Variants in KCNIP1 observed in about 807,000 individuals in gnomAD.
The protein encoded by KCNIP1 is potassium voltage-gated channel interacting protein 1, also known as A-type potassium channel modulatory protein KCNIP1.
A neutral mutation model predicts 33.0 loss-of-function variants in KCNIP1; 18 were observed. The ratio of observed to expected loss-of-function variants is 0.55; its 90% CI spans 0.38 to 0.81. The LOEUF is 0.81. Ranked by LOEUF, KCNIP1 falls within the 30% of genes least tolerant of loss-of-function variation. The pLI, the probability that KCNIP1 is intolerant of heterozygous loss-of-function variation, is 0.00. For synonymous variants in KCNIP1, 93 were observed against 98.3 expected, an observed-to-expected ratio of 0.95 and a Z score of 0.32; for missense variants, 238 against 271.6, an observed-to-expected ratio of 0.88 and a Z score of 0.87.
At chr5:170,474,045 T>C (rs983013659) in intron 1 of KCNIP1, among the ~76,000 whole-genome samples, 19 of 152,184 alleles carry the variant, frequency 1.2e-4, no homozygotes, top group African/African-American at 4.6e-4. Context: ...ACTTTGGCAT[T>C]TTTCAAGCTA....
intron 1 of KCNIP1, chr5:170,420,648 A>T (rs1755462125): frequency 6.6e-6 from 1 of 152,196 alleles, no homozygotes; most frequent in African/African-American, 2.4e-5. Context: ...GGCTATTAGG[A>T]GTTAAGTTTC....
chr5:170,459,269 G>C (rs1756455582), intron 1 of KCNIP1, among the ~76,000 whole-genome samples: 1 of 152,106 alleles, frequency 6.6e-6, no homozygotes, highest in Non-Finnish European at 1.5e-5. Flanking sequence ...TCCACTGACA[G>C]CACTAGACAG....
chr5:170,556,034 A>G (rs1342280016), intron 1 of KCNIP1, among the ~76,000 whole-genome samples: 1 of 152,214 alleles, frequency 6.6e-6, no homozygotes, highest in East Asian at 1.9e-4. Context: ...GCCCACTGCA[A>G]CAATGACAAT....
intron 1 of KCNIP1, among the ~76,000 whole-genome samples, chr5:170,369,456 G>A (rs567850836): frequency 1.3e-5 from 2 of 152,346 alleles, no homozygotes; most frequent in East Asian, 1.9e-4. Context: ...ACTAAGTAAA[G>A]TGCTACAGCT....
intron 1 of KCNIP1, among the ~76,000 whole-genome samples, chr5:170,681,951 G>T (rs974020825): frequency 6.6e-6 from 1 of 152,138 alleles, no homozygotes; most frequent in Non-Finnish European, 1.5e-5. Flanking sequence ...GAGCAATTGG[G>T]CTCATAAAAC....
chr5:170,646,298 CTACAGACTAA>C (rs1283946591), intron 1 of KCNIP1, among the ~76,000 whole-genome samples: 1 of 152,148 alleles, frequency 6.6e-6, no homozygotes, highest in African/African-American at 2.4e-5. Context: ...GAAAAGAAAA[CTACAGACTAA>C]TATCTCTCAT....
At chr5:170,709,110 T>G (rs1398303049) in intron 1 of KCNIP1, among the ~76,000 whole-genome samples, 1 of 152,148 alleles carries the variant, frequency 6.6e-6, no homozygotes, top group African/African-American at 2.4e-5. Context: ...TTGAAAAAAT[T>G]TATAGTATTT....
intron 1 of KCNIP1, among the ~76,000 whole-genome samples, chr5:170,367,759 C>G (rs1017550393): frequency 2.0e-5 from 3 of 152,218 alleles, no homozygotes; most frequent in African/African-American, 7.2e-5. Flanking sequence ...GCTGCAGCAG[C>G]CTGCAGACTG....
chr5:170,376,343 T>C (rs967177317), intron 1 of KCNIP1: 1 of 151,282 alleles, frequency 6.6e-6, no homozygotes, highest in Non-Finnish European at 1.5e-5. Context: ...TTTCTATTTT[T>C]TAGTAGAGAC....
chr5:170,455,114 C>A (rs913093326), intron 1 of KCNIP1, among the ~76,000 whole-genome samples: 2 of 152,028 alleles, frequency 1.3e-5, no homozygotes, highest in Non-Finnish European at 2.9e-5. Flanking sequence ...GGCAGCTCAG[C>A]AATATTTAGA....
chr5:170,651,929 G>C (rs1353893349), intron 1 of KCNIP1, among the ~76,000 whole-genome samples: 1 of 152,200 alleles, frequency 6.6e-6, no homozygotes, highest in African/African-American at 2.4e-5. Context: ...TTGGGTAATT[G>C]TGTTCATGTT....
intron 1 of KCNIP1, among the ~76,000 whole-genome samples, chr5:170,455,308 C>T (rs1431308292): frequency 2.0e-5 from 3 of 151,798 alleles, no homozygotes; most frequent in African/African-American, 4.9e-5. Context: ...CTTCCCCTTC[C>T]CCTTCTTCTT....
intron 1 of KCNIP1, among the ~76,000 whole-genome samples, chr5:170,367,416 A>AGAAG (rs1763714860): frequency 8.3e-6 from 1 of 119,902 alleles, no homozygotes; most frequent in African/African-American, 3.5e-5. Context: ...AAAGAAAGAA[A>AGAAG]GAAAGGAAAG....
intron 1 of KCNIP1, among the ~76,000 whole-genome samples, chr5:170,373,323 G>A (rs1274095648): frequency 6.6e-6 from 1 of 152,232 alleles, no homozygotes; most frequent in African/African-American, 2.4e-5. Flanking sequence ...GCCTGGTGGA[G>A]AGCCTCACAT....
At chr5:170,548,863 T>C (rs1174893219) in intron 1 of KCNIP1, among the ~76,000 whole-genome samples, 1 of 152,224 alleles carries the variant, frequency 6.6e-6, no homozygotes, top group Non-Finnish European at 1.5e-5. Context: ...AGTGGACCTA[T>C]TCACTAGCAC....
intron 1 of KCNIP1, among the ~76,000 whole-genome samples, chr5:170,717,241 AT>A (rs1763671609): frequency 6.6e-6 from 1 of 152,188 alleles, no homozygotes; most frequent in Admixed American, 6.5e-5. Context: ...ACTTATGTGA[AT>A]TTTTCTCCTT....
chr5:170,495,737 C>T (rs536801509), intron 1 of KCNIP1, among the ~76,000 whole-genome samples: 3 of 152,322 alleles, frequency 2.0e-5, no homozygotes, highest in East Asian at 3.9e-4. Context: ...TAGTGAATGC[C>T]GCAGCTCAAA....
chr5:170,380,841 C>T (rs10057937), intron 1 of KCNIP1, among the ~76,000 whole-genome samples: 27,816 of 152,126 alleles, frequency 0.18, 2,664 homozygotes, highest in South Asian at 0.28. Flanking sequence ...ACCTTGGCAA[C>T]TGCCACAACC....
intron 1 of KCNIP1, among the ~76,000 whole-genome samples, chr5:170,410,851 A>G (rs931986238): frequency 6.6e-6 from 1 of 152,208 alleles, no homozygotes; most frequent in African/African-American, 2.4e-5. Flanking sequence ...AAAGATGCCT[A>G]GGAGGATGGT....
Sources: gnomAD v4.1 joint callset for allele counts (sites outside exome capture counted in the v4.1 genomes callset) on GRCh38, gnomAD v4.1.1 for gene constraint, MANE v1.5 for transcripts, NCBI Gene and HGNC (gene_info 2026-07-23, HGNC 2026-07-21) for gene names.